Variants in PAK4 observed in about 807,000 individuals in gnomAD.
The protein encoded by PAK4 is p21 (RAC1) activated kinase 4, also known as serine/threonine-protein kinase PAK 4.
In PAK4, 49 loss-of-function variants were observed where a neutral mutation model predicts 53.5. The ratio of observed to expected loss-of-function variants is 0.92; its 90% CI spans 0.73 to 1.16. The LOEUF (loss-of-function observed/expected upper bound fraction) is 1.16. PAK4 is among the 50% of genes most tolerant of loss of function. PAK4 has a pLI of 0.00. For missense variants in PAK4, 824 were observed against 850.7 expected, an observed-to-expected ratio of 0.97 and a Z score of 0.39; for synonymous variants, 376 against 375.6, an observed-to-expected ratio of 1.00 and a Z score of -0.01.
rs1568523022 is a variant in PAK4 at position 39,169,641 on chromosome 19, C to T, written c.88C>T (p.Gln30Ter). 1 of 1,613,488 alleles carries T rather than the reference C, an allele frequency of 6.2e-7. No individual in the cohort carries two copies. Among genetic ancestry groups the T allele is most frequent in the South Asian group, 1.1e-5 (1 of 91,078 alleles). Residue 30 changes from glutamine to a stop codon, truncating the protein, a stop_gained, in exon 2 of 9, where the codon CAG (glutamine) becomes TAG (stop). Coordinates refer to ENST00000358301, the Ensembl canonical transcript of PAK4. LOFTEE classifies it high-confidence loss of function. ...GCACACGGGCTTCGACCAGCACGAG[C>T]AGAAGTTCACGGGGCTGCCCCGCCA...
At chr19:39,133,465 G>A (rs2073751795) in intron 1 of PAK4, among the ~76,000 whole-genome samples, 1 of 152,176 alleles carries the variant, frequency 6.6e-6, no homozygotes, top group South Asian at 2.1e-4. Flanking sequence ...GGAGGAGACT[G>A]AGAGCCTGGG....
downstream of PAK4, chr19:39,182,267 C>T (rs750597635): frequency 1.3e-5 from 2 of 152,354 alleles, no homozygotes; most frequent in African/African-American, 4.8e-5. Context: ...AGGACCGACC[C>T]AGAGGTTTTG....
chr19:39,178,001 G>A lies in PAK4; in HGVS notation c.1620+192G>A, dbSNP rs916951560. Among the ~76,000 whole-genome samples the A allele has an allele frequency of 6.6e-6, 1 of 152,226 alleles. No individual in the cohort carries two copies. Among genetic ancestry groups the A allele is most frequent in the African/African-American group, 2.4e-5 (1 of 41,532 alleles). On this transcript the variant is annotated intron_variant, in intron 8 of 8. Transcript: ENST00000358301. The surrounding 1 kb of genome is among the most constrained non-coding windows in gnomAD (Gnocchi z 4.4). Reference sequence around the variant, plus strand: ...CTGTGGGGCCTGGGCGACAGAGGCAGCAGAGCCACAGGCCCTCTGCACCCT... The same window carrying A: ...CTGTGGGGCCTGGGCGACAGAGGCAACAGAGCCACAGGCCCTCTGCACCCT...
rs762758345 is a variant in PAK4 at position 39,176,722 on chromosome 19, C to T, written c.1485+7C>T. The T allele has an allele frequency of 6.2e-7, 1 of 1,607,316 alleles. No individual in the cohort carries two copies. The highest frequency in any genetic ancestry group is 1.1e-5 in the South Asian group (1 of 91,072). ...CCTTCCCTACGGGCCAGAGGTGAGC[C>T]CCGGGGTGGCTTGGTTGTCCCGCCG... On this transcript the variant is annotated splice_region_variant and intron_variant, in intron 7 of 8. Coordinates refer to ENST00000358301, the Ensembl canonical transcript of PAK4.
chr19:39,172,809 C>T (rs1399969164), intron 2 of PAK4, 109 bp from the exon 4 acceptor site: 9 of 932,740 alleles, frequency 9.6e-6, no homozygotes, highest in Non-Finnish European at 1.3e-5. Context: ...CATTGCGTCT[C>T]TGTCTTGTCT....
chr19:39,128,157 G>A (rs2073625964), intron 1 of PAK4, among the ~76,000 whole-genome samples: 1 of 152,194 alleles, frequency 6.6e-6, no homozygotes, highest in Non-Finnish European at 1.5e-5. Context: ...TTCCACTTCT[G>A]CAAGATGGGC....
intron 8 of PAK4, 145 bp downstream of exon 9, chr19:39,177,954 C>T: frequency 2.1e-6 from 2 of 935,516 alleles, no homozygotes; most frequent in South Asian, 3.6e-5. Flanking sequence ...CCCCGGGCCT[C>T]ATGTGTCTGT....
chr19:39,137,927 A>C (rs2073846208), intron 1 of PAK4, among the ~76,000 whole-genome samples: 1 of 151,264 alleles, frequency 6.6e-6, no homozygotes, highest in Non-Finnish European at 1.5e-5. Context: ...TGGCCTCCCA[A>C]AGTGCTGGGA....
At chr19:39,153,802 C>T (rs1238682005) in intron 1 of PAK4, among the ~76,000 whole-genome samples, 1 of 152,000 alleles carries the variant, frequency 6.6e-6, no homozygotes, top group Admixed American at 6.6e-5. Context: ...AGGCTGGTCT[C>T]GAACTCCTGG....
At chr19:39,172,978 T>C (rs1208007675) in exon 3 of PAK4, 3 of 1,549,698 alleles carry the variant, frequency 1.9e-6, no homozygotes, top group South Asian at 1.2e-5. Flanking sequence ...GCTGGACGAG[T>C]TTGAGAACAT....
intron 1 of PAK4, among the ~76,000 whole-genome samples, chr19:39,140,863 C>T (rs1054130867): frequency 6.6e-6 from 1 of 152,116 alleles, no homozygotes; most frequent in African/African-American, 2.4e-5. Context: ...CTGCTGCCTC[C>T]CAGGGTTGCT....
At chr19:39,171,676 G>A (rs1020646851) in intron 2 of PAK4, among the ~76,000 whole-genome samples, 5 of 152,230 alleles carry the variant, frequency 3.3e-5, no homozygotes, top group Non-Finnish European at 7.3e-5. Flanking sequence ...GCCTCTGGCT[G>A]GAGGATGCCT....
chr19:39,140,486 T>C (rs1444984512), intron 1 of PAK4, among the ~76,000 whole-genome samples: 1 of 152,218 alleles, frequency 6.6e-6, no homozygotes, highest in East Asian at 1.9e-4. Context: ...CAGCCACCTC[T>C]ACGGTCCCGG....
chr19:39,180,021 G>GGGGAGAGAGCC (rs1301288619), downstream of PAK4: 2 of 152,364 alleles, frequency 1.3e-5, no homozygotes, highest in African/African-American at 4.8e-5. Flanking sequence ...GCAGTGGAGT[G>GGGGAGAGAGCC]GGGAGAGAGC....
At chr19:39,172,828 G>A (rs2074508757) in intron 2 of PAK4, 90 bp from the exon 4 acceptor site, 1 of 1,074,292 alleles carries the variant, frequency 9.3e-7, no homozygotes, top group Non-Finnish European at 1.3e-6. Flanking sequence ...CTCTGTGTGT[G>A]TCGTGCTGTC....
At chr19:39,128,950 C>T (rs972377086) in intron 1 of PAK4, among the ~76,000 whole-genome samples, 2 of 152,234 alleles carry the variant, frequency 1.3e-5, no homozygotes, top group African/African-American at 4.8e-5. Flanking sequence ...TGGGGCTGGC[C>T]TCAGGCTTTT....
chr19:39,160,546 A>ATTT (rs2074267707), intron 1 of PAK4, among the ~76,000 whole-genome samples: 1 of 152,198 alleles, frequency 6.6e-6, no homozygotes, highest in African/African-American at 2.4e-5. Flanking sequence ...CTGAATATCA[A>ATTT]GAAAGGCTGA....
rs1010456150 is a variant in PAK4, at chr19:39,135,769, C to T, written c.-23+9850C>T. ...ACTGCAGAGCAACAGAAAGATAAGC[C>T]GGGCTGGAGGCTCCCGGCCCCCATC... On this transcript the variant is annotated intron_variant, in intron 1 of 8. Transcript: ENST00000358301. 7.1e-4 allele frequency among the ~76,000 whole-genome samples: 107 copies of T among 150,598 alleles called. 1 individual carries two copies. The highest frequency in any genetic ancestry group is 2.7e-4 in the Admixed American group (4 of 15,000).
intron 1 of PAK4, among the ~76,000 whole-genome samples, chr19:39,129,178 G>A (rs1264172858): frequency 1.3e-5 from 2 of 152,076 alleles, no homozygotes; most frequent in East Asian, 3.9e-4. Context: ...GGAGTAGCTG[G>A]GATTACAGGC....
Sources: gnomAD v4.1 joint callset for allele counts (sites outside exome capture counted in the v4.1 genomes callset) on GRCh38, gnomAD v4.1.1 for gene constraint, Gnocchi (gnomAD v3.1) non-coding constraint, MANE v1.5 for transcripts, NCBI Gene and HGNC (gene_info 2026-07-23, HGNC 2026-07-21) for gene names.